ADAMTS14: variants seen among roughly 807,000 people sequenced by gnomAD.
The protein encoded by ADAMTS14 is ADAM metallopeptidase with thrombospondin type 1 motif 14.
Under a neutral mutation model 128.6 loss-of-function variants are expected in ADAMTS14, and 100 were observed. The observed-to-expected ratio is 0.78, with a 90% CI of 0.66 to 0.92. The LOEUF (loss-of-function observed/expected upper bound fraction) is 0.92. ADAMTS14 is among the 40% of genes least tolerant of loss of function. The pLI, the probability that ADAMTS14 is intolerant of heterozygous loss-of-function variation, is 0.00. For missense variants in ADAMTS14, 1,562 were observed against 1,658.6 expected (o/e 0.94, Z 1.01); for synonymous variants, 665 against 653.8 (o/e 1.02, Z -0.26).
chr10:70,697,258 T>A (rs1332998606), intron 2 of ADAMTS14, among the ~76,000 whole-genome samples: 1 of 152,182 alleles, frequency 6.6e-6, no homozygotes, highest in East Asian at 1.9e-4. Context: ...TATCTTGAAA[T>A]AGCCCTTCTG....
chr10:70,734,386 CT>C lies in ADAMTS14; in HGVS notation c.1352+359del, dbSNP rs1312896075. Reference sequence around the variant, plus strand: ...CTGCTGAAGGTTATGAGCCACTGGGCTGAGGCTTGGGGCTCTAAACCCAGTG... The same window carrying C: ...CTGCTGAAGGTTATGAGCCACTGGGCGAGGCTTGGGGCTCTAAACCCAGTG... On this transcript the variant is annotated intron_variant, in intron 8 of 21. Transcript: ENST00000373207. 5.3e-5 allele frequency among the ~76,000 whole-genome samples: 8 copies of C among 152,302 alleles called. No homozygotes were observed. In the South Asian group the frequency reaches 1.2e-3, roughly 24 times the overall value.
intron 21 of ADAMTS14, among the ~76,000 whole-genome samples, chr10:70,759,237 C>T (rs1377708051): frequency 6.8e-6 from 1 of 147,212 alleles, no homozygotes; most frequent in Non-Finnish European, 1.5e-5. Context: ...AGAAATCTGG[C>T]GCCATCTAGA....
In ADAMTS14 at chr10:70,702,390, GGGA is replaced by G. The variant is rs778561224; in HGVS notation, c.605_607del (p.Arg202del). ...GGGCCAGCAGGAGAAGGAGGCCAGCGGGAGGACACATGTGGTGTACCGCCGGGA... is the reference window on the plus strand; with the variant it reads ...GGGCCAGCAGGAGAAGGAGGCCAGCGGGACACATGTGGTGTACCGCCGGGA... On this transcript the variant is annotated inframe_deletion, in exon 3 of 22. Transcript: ENST00000373207. The G allele has an allele frequency of 1.2e-5, 20 of 1,614,146 alleles. No individual in the cohort carries two copies. The highest frequency in any genetic ancestry group is 1.7e-5 in the Non-Finnish European group (20 of 1,180,006).
rs1446387788 is a variant in ADAMTS14 at position 70,736,797 on chromosome 10, C to T, written c.1599+4C>T. 5.0e-6 allele frequency: 8 copies of T among 1,613,032 alleles called. No homozygotes were observed. Among genetic ancestry groups the T allele is most frequent in the Middle Eastern group, 1.7e-4 (1 of 6,044 alleles). On this transcript the variant is annotated splice_donor_region_variant and intron_variant, in intron 10 of 21. Coordinates refer to ENST00000373207, the MANE Select transcript of ADAMTS14 (RefSeq NM_080722.4). ...GACTGAGTGTGCACCCGGCAAGGTACCTGTGGGGTGTGCAGCAGGAGTGGC... is the reference window on the plus strand; with the variant it reads ...GACTGAGTGTGCACCCGGCAAGGTATCTGTGGGGTGTGCAGCAGGAGTGGC...
rs61573157 is a variant in ADAMTS14 at position 70,760,503 on chromosome 10, C to T, written c.3322C>T (p.Pro1108Ser). Residue 1108 changes from proline to serine, a missense_variant, in exon 22 of 22, where the codon CCA (proline) becomes TCA (serine). By Grantham distance (74) the Pro-to-Ser change is moderately conservative. Transcript: ENST00000373207. ...SGPNPGPDPG[P>S]TSLPPFSTPG... is the part of the protein sequence containing the mutation. ...CCCCAACCCTGGCCCAGACCCTGGC[C>T]CAACCTCACTGCCCCCCTTCTCCAC... 150,463 of 1,613,844 alleles carry T rather than the reference C, an allele frequency of 0.093. 7,622 individuals carry two copies. Among genetic ancestry groups the T allele is most frequent in the Middle Eastern group, 0.1 (613 of 6,060 alleles).
chr10:70,759,129 T>TTTTTTTTTTTTTTTTTTTTTTTTTTTAG (rs1485675752), intron 21 of ADAMTS14, among the ~76,000 whole-genome samples: 3 of 112,610 alleles, frequency 2.7e-5, no homozygotes, highest in East Asian at 2.4e-4. Flanking sequence ...TCCAATCTTC[T>TTTTTTTTTTTTTTTTTTTTTTTTTTTAG]ACTTCTCTGC....
intron 2 of ADAMTS14, among the ~76,000 whole-genome samples, chr10:70,694,855 G>A (rs74323302): frequency 0.021 from 3,230 of 152,202 alleles, 132 homozygotes; most frequent in African/African-American, 0.073. Context: ...TTTTCTTTGC[G>A]TGGACATATG....
chr10:70,752,273 C>A, intron 18 of ADAMTS14, 46 bp downstream of exon 18: 1 of 1,602,368 alleles, frequency 6.2e-7, no homozygotes, highest in Non-Finnish European at 8.5e-7. Context: ...CTATGCCTAG[C>A]CCGGGCCCCA....
chr10:70,734,073 C>A, intron 8 of ADAMTS14, 45 bp downstream of exon 8: 1 of 1,590,892 alleles, frequency 6.3e-7, no homozygotes, highest in Non-Finnish European at 8.5e-7. Context: ...GAGCATGCGA[C>A]CTGCCACTCT....
intron 14 of ADAMTS14, among the ~76,000 whole-genome samples, chr10:70,744,549 T>C (rs1028613056): frequency 5.3e-5 from 8 of 152,200 alleles, no homozygotes; most frequent in African/African-American, 1.9e-4. Context: ...TAATTTTCTT[T>C]TCCTCTCTCC....
intron 2 of ADAMTS14, among the ~76,000 whole-genome samples, chr10:70,693,393 C>G (rs536901003): frequency 6.6e-6 from 1 of 152,324 alleles, no homozygotes; most frequent in Admixed American, 6.5e-5. Context: ...GCGGGCTCCC[C>G]TCCTGAGCCA....
chr10:70,676,498 C>T (rs1031300770), intron 2 of ADAMTS14, among the ~76,000 whole-genome samples: 4 of 152,188 alleles, frequency 2.6e-5, no homozygotes, highest in Non-Finnish European at 5.9e-5. Flanking sequence ...TGAGCATGCA[C>T]TAGAATCACC....
In ADAMTS14 at chr10:70,741,250, T is replaced by C. The variant is rs1841992204; in HGVS notation, c.1924+88T>C. 2.1e-6 allele frequency: 3 copies of C among 1,454,418 alleles called. No individual in the cohort carries two copies. In the Admixed American group the frequency reaches 5.8e-5, roughly 28 times the overall value. 90.1% of individuals were successfully genotyped at this position (1,454,418 alleles called of 1,614,324 possible). Reference sequence around the variant, plus strand: ...CCAGGCAGGGCCTCCTACCCCTACATACACCAGTGAAGGTGGAGGGACAGT... The same window carrying C: ...CCAGGCAGGGCCTCCTACCCCTACACACACCAGTGAAGGTGGAGGGACAGT... On this transcript the variant is annotated intron_variant, in intron 12 of 21. Coordinates refer to ENST00000373207, the MANE Select transcript of ADAMTS14 (RefSeq NM_080722.4).
intron 2 of ADAMTS14, among the ~76,000 whole-genome samples, chr10:70,696,727 A>G (rs1341140635): frequency 6.6e-6 from 1 of 152,120 alleles, no homozygotes; most frequent in East Asian, 1.9e-4. Context: ...GCCAAGTGCT[A>G]GGGTTAGGTG....
chr10:70,719,806 C>T (rs1392761978), intron 4 of ADAMTS14, among the ~76,000 whole-genome samples: 2 of 152,232 alleles, frequency 1.3e-5, no homozygotes, highest in Non-Finnish European at 2.9e-5. Flanking sequence ...CTCCACTCTC[C>T]TGCCTCTGCA....
chr10:70,678,736 G>A (rs1839718007), intron 2 of ADAMTS14, among the ~76,000 whole-genome samples: 1 of 152,136 alleles, frequency 6.6e-6, no homozygotes, highest in Non-Finnish European at 1.5e-5. Context: ...GAGCAAGCTG[G>A]CCCCTTCTCT....
chr10:70,759,133 T>TTTTTTTTTTTTTTTTTTTTTTGAGA (rs1842549152), intron 21 of ADAMTS14, among the ~76,000 whole-genome samples: 1 of 145,288 alleles, frequency 6.9e-6, no homozygotes, highest in Non-Finnish European at 1.5e-5. Flanking sequence ...ATCTTCTACT[T>TTTTTTTTTTTTTTTTTTTTTTGAGA]CTCTGCTCCT....
In ADAMTS14 at chr10:70,759,129, T is replaced by TTTTTTTTTTTTTTTTTTTTTTTTTG. The variant is rs1485675752; in HGVS notation, c.3178+844_3178+845insTTTTTTTTTTTTTTTTTTTTTTTTG. Among the ~76,000 whole-genome samples, 8 of 112,606 alleles carry TTTTTTTTTTTTTTTTTTTTTTTTTG rather than the reference T, an allele frequency of 7.1e-5. 1 individual carries two copies. Among genetic ancestry groups the TTTTTTTTTTTTTTTTTTTTTTTTTG allele is most frequent in the Admixed American group, 1.0e-4 (1 of 9,526 alleles). The allele number at this position is 112,606 out of a possible 152,430, so 73.9% of individuals were successfully genotyped here. ...AAAGGACCTTCTACCTCCAATCTTC[T>TTTTTTTTTTTTTTTTTTTTTTTTTG]ACTTCTCTGCTCCTAGGCTGAGGTT... On this transcript the variant is annotated intron_variant, in intron 21 of 21. Transcript: ENST00000373207.
At chr10:70,673,264 G>GGTGTGTGTGT (rs144103256) in intron 1 of ADAMTS14, among the ~76,000 whole-genome samples, 1 of 122,916 alleles carries the variant, frequency 8.1e-6, no homozygotes, top group African/African-American at 2.6e-5. Flanking sequence ...GGGTGCAAGG[G>GGTGTGTGTGT]GTGTGTGTGT....
Sources: allele counts gnomAD v4.1 joint callset (sites outside exome capture counted in the v4.1 genomes callset), GRCh38; gene constraint gnomAD v4.1.1; transcripts MANE v1.5; gene names NCBI Gene and HGNC (gene_info 2026-07-23, HGNC 2026-07-21).